The following LANCL1 variants were observed in gnomAD, a reference collection of about 807,000 sequenced individuals.
LANCL1 encodes LanC like glutathione S-transferase 1, also known as glutathione S-transferase LANCL1.
A neutral mutation model predicts 50.6 loss-of-function variants in LANCL1; 50 were observed. The observed-to-expected ratio is 0.99, with a 90% confidence interval of 0.79 to 1.25. The LOEUF (loss-of-function observed/expected upper bound fraction) is 1.25. Among genes scored for constraint, LANCL1 ranks in the 50% most tolerant of loss-of-function variants. LANCL1 has a pLI of 0.00. For synonymous variants in LANCL1, 188 were observed against 178.6 expected, an observed-to-expected ratio of 1.05 and a Z score of -0.42; for missense variants, 532 against 480.7, an observed-to-expected ratio of 1.11 and a Z score of -1.00.
At chr2:210,456,150 T>G (rs1256487459) in intron 3 of LANCL1, among the ~76,000 whole-genome samples, 1 of 152,140 alleles carries the variant, frequency 6.6e-6, no homozygotes, top group Non-Finnish European at 1.5e-5. Context: ...CTCAAAGATG[T>G]GGAGTAGGAA....
intron 3 of LANCL1, among the ~76,000 whole-genome samples, chr2:210,464,828 C>T (rs1693989753): frequency 6.7e-6 from 1 of 149,986 alleles, no homozygotes; most frequent in Non-Finnish European, 1.5e-5. Flanking sequence ...TAGCCGGGTG[C>T]GGTGGCGGGC....
chr2:210,465,780 G>C (rs934216777), intron 3 of LANCL1, among the ~76,000 whole-genome samples: 4 of 152,194 alleles, frequency 2.6e-5, no homozygotes, highest in African/African-American at 9.7e-5. Context: ...AGAGGCAGCA[G>C]ACAAGTTCCC....
intron 4 of LANCL1, among the ~76,000 whole-genome samples, chr2:210,445,796 T>C (rs1190507759): frequency 2.0e-5 from 3 of 152,188 alleles, no homozygotes; most frequent in Non-Finnish European, 2.9e-5. Flanking sequence ...GAAAGAAGAA[T>C]GAAGACACAC....
chr2:210,449,404 T>C (rs1026550985), intron 4 of LANCL1, among the ~76,000 whole-genome samples: 6 of 152,176 alleles, frequency 3.9e-5, no homozygotes, highest in African/African-American at 1.4e-4. Context: ...TCATACTGAA[T>C]GGGCAAAAAC....
intron 3 of LANCL1, among the ~76,000 whole-genome samples, chr2:210,457,880 A>T (rs1358844350): frequency 2.0e-5 from 3 of 152,216 alleles, no homozygotes; most frequent in Admixed American, 1.3e-4. Context: ...CTTTCTCTCA[A>T]CAATAATGCC....
At chr2:210,471,769 G>T (rs1468266211) in intron 3 of LANCL1, 190 bp downstream of exon 3, 2 of 744,198 alleles carry the variant, frequency 2.7e-6, no homozygotes, top group Non-Finnish European at 2.5e-6. Flanking sequence ...CCTAAATTCA[G>T]GGCACTATTA....
chr2:210,475,501 T>A (rs72930539), intron 2 of LANCL1, among the ~76,000 whole-genome samples: 24,341 of 151,900 alleles, frequency 0.16, 2,521 homozygotes, highest in Middle Eastern at 0.3. Flanking sequence ...GGCTAATTTT[T>A]AAAAAAATTT....
At chr2:210,441,157 T>C (rs1276128603) in intron 5 of LANCL1, 151 bp downstream of exon 5, 5 of 723,476 alleles carry the variant, frequency 6.9e-6, no homozygotes, top group Non-Finnish European at 9.1e-6. Context: ...TAGAAAGCTA[T>C]TGGTTCTTGG....
In LANCL1 at chr2:210,434,524, A is replaced by G. The variant is rs1440328266; in HGVS notation, c.1163T>C (p.Val388Ala). ...TGCAGGGAACCTGGCTTTTGTGGGG[A>G]CTAGCAGGTCAGCCAGGAAATATAT... ...GTIYFLADLL[V>A]PTKARFPAFE... is the part of the protein sequence containing the mutation. The change falls in exon 10 of 10, where the codon GTC becomes GCC. Residue 388 changes from valine (V) to alanine (A), a missense_variant. By Grantham distance (64) the Val-to-Ala change is moderately conservative. Coordinates refer to ENST00000450366, the MANE Select transcript of LANCL1 (RefSeq NM_006055.3). 1.2e-6 allele frequency: 2 copies of G among 1,613,440 alleles called. No individual in the cohort carries two copies. The highest frequency in any genetic ancestry group is 1.3e-5 in the African/African-American group (1 of 74,910).
rs776003207 is a variant in LANCL1, at chr2:210,435,449, C to T, written c.1061G>A (p.Trp354Ter). ...YLYRACKFAE[W>*]CLEYGEHGCR... ...TCCATGTTCTCCATACTCTAAGCAC[C>T]ATTCAGCAAACTGAAAATGAGACCA... Residue 354 changes from tryptophan to a stop codon, truncating the protein, a stop_gained, in exon 9 of 10, where the codon TGG (tryptophan) becomes TAG (stop). Coordinates refer to ENST00000450366, the MANE Select transcript of LANCL1 (RefSeq NM_006055.3). LOFTEE classifies it high-confidence loss of function. 1 of 1,613,208 alleles carries T rather than the reference C, an allele frequency of 6.2e-7. No homozygotes were observed. Among genetic ancestry groups the T allele is most frequent in the African/African-American group, 1.3e-5 (1 of 74,862 alleles).
At chr2:210,444,659 C>G (rs930420561) in intron 4 of LANCL1, among the ~76,000 whole-genome samples, 12 of 152,148 alleles carry the variant, frequency 7.9e-5, no homozygotes, top group Non-Finnish European at 1.8e-4. Context: ...ATATAGGCAA[C>G]AATTCATAGT....
At chr2:210,457,388 A>T (rs1457874465) in intron 3 of LANCL1, among the ~76,000 whole-genome samples, 2 of 152,138 alleles carry the variant, frequency 1.3e-5, no homozygotes, top group Non-Finnish European at 2.9e-5. Context: ...CTTAAACCTG[A>T]TCTTTATGGT....
rs1318684526 is a variant in LANCL1 at position 210,440,937 on chromosome 2, C to T, written c.544-193G>A. ...TGTATTTAGCCTAGAAGGGGGAGGG[C>T]GTAGAGGATCTTGAGCTCTTTGCAT... is the stretch of plus-strand genomic sequence containing the variant. On this transcript the variant is annotated intron_variant, in intron 5 of 9. Coordinates refer to ENST00000450366, the MANE Select transcript of LANCL1 (RefSeq NM_006055.3). Among the ~76,000 whole-genome samples, 4 of 152,260 alleles carry T rather than the reference C, an allele frequency of 2.6e-5. No homozygotes were observed. In the East Asian group the frequency reaches 5.8e-4, roughly 22 times the overall value.
chr2:210,435,893 CTTT>C (rs71043994), intron 8 of LANCL1, among the ~76,000 whole-genome samples: 3 of 64,224 alleles, frequency 4.7e-5, no homozygotes, highest in Admixed American at 2.3e-4. Context: ...GGGAGACCTG[CTTT>C]TTTTTTTTTT....
chr2:210,455,054 G>A lies in LANCL1; in HGVS notation c.407+53C>T, dbSNP rs117858082. 2,093 of 1,445,990 alleles carry A rather than the reference G, an allele frequency of 1.4e-3. 22 individuals carry two copies. In the East Asian group the frequency reaches 0.027, roughly 19 times the overall value. 89.6% of individuals were successfully genotyped at this position (1,445,990 alleles called of 1,614,324 possible). ...GAATGTTCTTTTGTTAACACATGCA[G>A]AATTAATGCATAATGATGCTAGAAA... On this transcript the variant is annotated intron_variant, in intron 4 of 9. Transcript: ENST00000450366.
At chr2:210,434,695 A>G in intron 9 of LANCL1, 132 bp from the exon 10 acceptor site, 4 of 685,384 alleles carry the variant, frequency 5.8e-6, no homozygotes, top group South Asian at 5.6e-5. Context: ...ACAAACATCA[A>G]CAAAGGGTGC....
Position 210,437,677 on chromosome 2 carries a change from A to T in LANCL1, c.873+13T>A. 6.9e-7 allele frequency: 1 copy of T among 1,449,394 alleles called. No individual in the cohort carries two copies. The highest frequency in any genetic ancestry group is 9.1e-7 in the Non-Finnish European group (1 of 1,095,546). 89.8% of individuals were successfully genotyped at this position (1,449,394 alleles called of 1,614,324 possible). ...TTATTTAAAAAAATTTATTTCAAAA[A>T]TACACACAGTACCTTATAGGCCTGG... On this transcript the variant is annotated intron_variant, in intron 7 of 9. Coordinates refer to ENST00000450366, the MANE Select transcript of LANCL1 (RefSeq NM_006055.3).
At chr2:210,472,445 G>A (rs1382448736) in intron 2 of LANCL1, among the ~76,000 whole-genome samples, 1 of 151,928 alleles carries the variant, frequency 6.6e-6, no homozygotes, top group Non-Finnish European at 1.5e-5. Flanking sequence ...CAAACTACTG[G>A]ATTTTTAGTA....
intron 2 of LANCL1, among the ~76,000 whole-genome samples, chr2:210,474,299 C>A (rs1694296631): frequency 6.6e-6 from 1 of 152,192 alleles, no homozygotes; most frequent in African/African-American, 2.4e-5. Context: ...CAACATTACA[C>A]AATTTTAGAA....
Sources: gnomAD v4.1 joint callset for allele counts (sites outside exome capture counted in the v4.1 genomes callset) on GRCh38, gnomAD v4.1.1 for gene constraint, MANE v1.5 for transcripts, NCBI Gene and HGNC (gene_info 2026-07-23, HGNC 2026-07-21) for gene names.